The following TDRD5 variants were observed in gnomAD, a reference collection of about 807,000 sequenced individuals.
TDRD5 encodes the protein tudor domain-containing protein 5.
In TDRD5, 41 loss-of-function variants were observed where a neutral mutation model predicts 120.6. The observed-to-expected ratio is 0.34, with a 90% CI of 0.26 to 0.44. The LOEUF (loss-of-function observed/expected upper bound fraction) is 0.44. Ranked by LOEUF, TDRD5 falls within the 20% of genes least tolerant of loss-of-function variation. The pLI, the probability that TDRD5 is intolerant of heterozygous loss-of-function variation, is 1.00. For missense variants in TDRD5, 1,006 were observed against 1,221.2 expected (o/e 0.82, Z 2.63); for synonymous variants, 430 against 433.7 (o/e 0.99, Z 0.11).
chr1:179,645,969 T>C (rs1384792835), intron 11 of TDRD5, among the ~76,000 whole-genome samples: 1 of 152,210 alleles, frequency 6.6e-6, no homozygotes, highest in Admixed American at 6.5e-5. Context: ...TATTTAGATA[T>C]GTCTTTTATG....
At chr1:179,620,854 CT>C (rs1676802701) in intron 5 of TDRD5, among the ~76,000 whole-genome samples, 180 bp from the exon 6 acceptor site, 1 of 151,552 alleles carries the variant, frequency 6.6e-6, no homozygotes, top group African/African-American at 2.4e-5. Flanking sequence ...ATCACAGTCT[CT>C]TTTTGTTCTA....
intron 11 of TDRD5, among the ~76,000 whole-genome samples, chr1:179,642,526 T>C (rs1678109294): frequency 6.6e-6 from 1 of 152,252 alleles, no homozygotes. Context: ...CCAAATGTTA[T>C]TTCCTCAAAA....
At chr1:179,661,413 C>A (rs12092382) in intron 14 of TDRD5, among the ~76,000 whole-genome samples, 1 of 149,636 alleles carries the variant, frequency 6.7e-6, no homozygotes, top group Non-Finnish European at 1.5e-5. Context: ...ATCTTTTTTT[C>A]TCTTTTGTTT....
intron 17 of TDRD5, among the ~76,000 whole-genome samples, chr1:179,672,219 A>G (rs1331687489): frequency 6.6e-6 from 1 of 152,138 alleles, no homozygotes; most frequent in Non-Finnish European, 1.5e-5. Context: ...GTAATAGTTT[A>G]TATTCTTACC....
chr1:179,686,177 G>T (rs1680702052), intron 17 of TDRD5, among the ~76,000 whole-genome samples: 1 of 152,046 alleles, frequency 6.6e-6, no homozygotes, highest in Non-Finnish European at 1.5e-5. Context: ...TTGGCTGTGG[G>T]TTTATCATAA....
chr1:179,595,855 G>A (rs1295017789), intron 4 of TDRD5, 37 bp downstream of exon 4: 3 of 1,547,502 alleles, frequency 1.9e-6, no homozygotes, highest in African/African-American at 1.4e-5. Context: ...AATATACGAT[G>A]TTTTTAAATT....
At chr1:179,641,346 A>G (rs1678037706) in intron 11 of TDRD5, among the ~76,000 whole-genome samples, 1 of 152,200 alleles carries the variant, frequency 6.6e-6, no homozygotes, top group African/African-American at 2.4e-5. Flanking sequence ...CCTGGCCAAC[A>G]TGGTGAAACC....
chr1:179,646,251 G>A (rs1265577195), intron 11 of TDRD5, among the ~76,000 whole-genome samples: 4 of 152,114 alleles, frequency 2.6e-5, no homozygotes, highest in Non-Finnish European at 5.9e-5. Flanking sequence ...GGACATTAGA[G>A]CACTTTAACT....
intron 17 of TDRD5, 119 bp downstream of exon 17, chr1:179,669,523 G>C (rs1241892392): frequency 5.4e-6 from 6 of 1,104,714 alleles, no homozygotes; most frequent in Admixed American, 4.9e-5. Flanking sequence ...ACTGACGTTA[G>C]CATTTGTGTT....
chr1:179,611,786 A>C (rs774901476), intron 4 of TDRD5, among the ~76,000 whole-genome samples: 6 of 152,086 alleles, frequency 3.9e-5, no homozygotes, highest in Non-Finnish European at 8.8e-5. Context: ...CTTTTCTTTG[A>C]GTTTCATCCT....
In TDRD5 at chr1:179,646,452, C is replaced by T. The variant is rs541778219; in HGVS notation, c.1801-4415C>T. On this transcript the variant is annotated intron_variant, in intron 11 of 17. Transcript: ENST00000444136. ...TAAATTAGGTATTGATGGGATGTAT[C>T]TCAAAATAATAAGAGCTATCTATGA... Among the ~76,000 whole-genome samples, 3 of 152,030 alleles carry T rather than the reference C, an allele frequency of 2.0e-5. No individual in the cohort carries two copies. In the South Asian group the frequency reaches 6.3e-4, roughly 32 times the overall value.
At chr1:179,595,110 T>C (rs1276511707) in intron 3 of TDRD5, among the ~76,000 whole-genome samples, 1 of 152,164 alleles carries the variant, frequency 6.6e-6, no homozygotes, top group Non-Finnish European at 1.5e-5. Context: ...TAGGCTGTGG[T>C]GAAGTCTGGT....
chr1:179,680,131 T>G (rs962086354), intron 17 of TDRD5, among the ~76,000 whole-genome samples: 3 of 152,184 alleles, frequency 2.0e-5, no homozygotes, highest in African/African-American at 7.2e-5. Flanking sequence ...CAGATGTCTT[T>G]CTATTGTTTA....
At chr1:179,600,574 A>G (rs1319098672) in intron 4 of TDRD5, among the ~76,000 whole-genome samples, 1 of 152,102 alleles carries the variant, frequency 6.6e-6, no homozygotes, top group Non-Finnish European at 1.5e-5. Flanking sequence ...GCATGGCTGT[A>G]TTTTTCAAAG....
chr1:179,609,937 CAG>C (rs1458186663), intron 4 of TDRD5, among the ~76,000 whole-genome samples: 4 of 152,258 alleles, frequency 2.6e-5, no homozygotes, highest in Admixed American at 1.3e-4. Context: ...CTCATCATCT[CAG>C]AATCTGTCTC....
intron 10 of TDRD5, 76 bp from the exon 11 acceptor site, chr1:179,640,301 GAT>G: frequency 6.6e-7 from 1 of 1,504,234 alleles, no homozygotes; most frequent in Non-Finnish European, 9.2e-7. Flanking sequence ...TTAAGAAAGT[GAT>G]TTTTTGGGTC....
At chr1:179,628,483 A>G (rs1288124940) in intron 6 of TDRD5, among the ~76,000 whole-genome samples, 1 of 148,186 alleles carries the variant, frequency 6.7e-6, no homozygotes, top group Admixed American at 6.7e-5. Flanking sequence ...TTTTTTTTTA[A>G]GTTGTAGAGG....
chr1:179,621,003 GTC>G (rs1676811686), intron 5 of TDRD5, 30 bp from the exon 6 acceptor site: 1 of 1,521,876 alleles, frequency 6.6e-7, no homozygotes, highest in Admixed American at 1.9e-5. Context: ...ATTTCAGTGT[GTC>G]TATATTGTAT....
chr1:179,681,783 T>C (rs1680433863), intron 17 of TDRD5, among the ~76,000 whole-genome samples: 1 of 149,868 alleles, frequency 6.7e-6, no homozygotes, highest in Non-Finnish European at 1.5e-5. Context: ...TAACTGTAGT[T>C]ACAGGTTTGG....
Sources: allele counts gnomAD v4.1 joint callset (sites outside exome capture counted in the v4.1 genomes callset), GRCh38; gene constraint gnomAD v4.1.1; transcripts MANE v1.5; gene names NCBI Gene and HGNC (gene_info 2026-07-23, HGNC 2026-07-21).